The following RALGPS2 variants were observed in gnomAD, a reference collection of about 807,000 sequenced individuals.
RALGPS2 encodes ras-specific guanine nucleotide-releasing factor RalGPS2.
In RALGPS2, 43 loss-of-function variants were observed where a neutral mutation model predicts 86.8. That is an observed-to-expected ratio of 0.50 (90% CI 0.39 to 0.64). The LOEUF is 0.64. Among genes scored for constraint, RALGPS2 ranks in the 30% least tolerant of loss-of-function variants. The pLI is 0.00. For synonymous variants in RALGPS2, 243 were observed against 231.3 expected, an observed-to-expected ratio of 1.05 and a Z score of -0.46; for missense variants, 536 against 694.6, an observed-to-expected ratio of 0.77 and a Z score of 2.57.
rs144366166 is a variant in RALGPS2, at chr1:178,865,136, G to A, written c.608-12362G>A. 3.1e-6 allele frequency: 5 copies of A among 1,595,176 alleles called. No homozygotes were observed. The South Asian group carries it at 3.4e-5, about 11-fold the overall frequency. On this transcript the variant is annotated intron_variant, in intron 8 of 19. Transcript: ENST00000367635. ...ATGTTGTGGCACCACCTGGACAAGTGGGGGAGACACATGGGTGTCTTGTCG... is the reference window on the plus strand; with the variant it reads ...ATGTTGTGGCACCACCTGGACAAGTAGGGGAGACACATGGGTGTCTTGTCG...
At chr1:178,871,716 C>T (rs1156723890) in intron 8 of RALGPS2, among the ~76,000 whole-genome samples, 1 of 152,108 alleles carries the variant, frequency 6.6e-6, no homozygotes, top group African/African-American at 2.4e-5. Context: ...TCCTCCTATT[C>T]TACAAAATGA....
At chr1:178,747,024 T>G in intron 1 of RALGPS2, 1 of 903,596 alleles carries the variant, frequency 1.1e-6, no homozygotes. Context: ...ATTTTGCTCC[T>G]TCTGTTATAG....
At chr1:178,810,899 CAT>C (rs1654945464) in intron 5 of RALGPS2, among the ~76,000 whole-genome samples, 1 of 151,848 alleles carries the variant, frequency 6.6e-6, no homozygotes, top group Admixed American at 6.6e-5. Flanking sequence ...CATATTGTAT[CAT>C]ATAATAAGCA....
chr1:178,743,798 A>G (rs1651161233), intron 1 of RALGPS2, among the ~76,000 whole-genome samples: 1 of 152,214 alleles, frequency 6.6e-6, no homozygotes, highest in East Asian at 1.9e-4. Flanking sequence ...TCACTCAAGA[A>G]GAATATACAA....
intron 1 of RALGPS2, among the ~76,000 whole-genome samples, chr1:178,726,669 A>T (rs1298231170): frequency 6.6e-6 from 1 of 151,962 alleles, no homozygotes; most frequent in Admixed American, 6.5e-5. Flanking sequence ...TTTCCCCAAC[A>T]CTTTAGTTGC....
At chr1:178,835,350 C>T (rs938941158) in intron 8 of RALGPS2, among the ~76,000 whole-genome samples, 4 of 151,450 alleles carry the variant, frequency 2.6e-5, no homozygotes, top group African/African-American at 9.7e-5. Flanking sequence ...ATCATGTTCT[C>T]CTTAAGGCTG....
rs1251617282 is a variant in RALGPS2, at chr1:178,902,219, G to GTT, written c.1630+9_1630+10dup. 3.8e-6 allele frequency: 6 copies of GTT among 1,599,436 alleles called. No individual in the cohort carries two copies. The highest frequency in any genetic ancestry group is 5.1e-6 in the Non-Finnish European group (6 of 1,167,222). On this transcript the variant is annotated intron_variant, in intron 18 of 19. Transcript: ENST00000367635. Reference sequence around the variant, plus strand: ...TGACTGACTCTGAGAAAGGTGAATTGTTAGAATAACTGGGGCTTACGATAC... The same window carrying GTT: ...TGACTGACTCTGAGAAAGGTGAATTGTTTTAGAATAACTGGGGCTTACGATAC...
chr1:178,788,782 TTTCTC>T (rs1222810683), intron 4 of RALGPS2, among the ~76,000 whole-genome samples: 5 of 152,166 alleles, frequency 3.3e-5, no homozygotes, highest in South Asian at 4.1e-4. Flanking sequence ...CGCTCTTTTT[TTTCTC>T]TTCTCTTCTT....
At chr1:178,833,318 T>C (rs1656118372) in intron 7 of RALGPS2, 106 bp from the exon 8 acceptor site, 11 of 1,083,232 alleles carry the variant, frequency 1.0e-5, no homozygotes, top group Non-Finnish European at 1.3e-5. Context: ...AAGATATAAC[T>C]TTGAAATTAA....
chr1:178,787,918 G>A (rs1026145936), intron 4 of RALGPS2, among the ~76,000 whole-genome samples: 1 of 152,062 alleles, frequency 6.6e-6, no homozygotes, highest in East Asian at 1.9e-4. Context: ...ACATCTGTTG[G>A]ATCTGTTCAT....
rs762689640 is a variant in RALGPS2 at position 178,865,037 on chromosome 1, C to G, written c.608-12461C>G. On this transcript the variant is annotated intron_variant, in intron 8 of 19. Coordinates refer to ENST00000367635, the MANE Select transcript of RALGPS2 (RefSeq NM_152663.5). ...CAGATCAGGTGGTGGCATTAAATCT[C>G]TGGGATAACCTGGATCCCTCTGAAT... 15 of 1,491,892 alleles carry G rather than the reference C, an allele frequency of 1.0e-5. No individual in the cohort carries two copies. In the East Asian group the frequency reaches 3.3e-4, roughly 32 times the overall value. 92.4% of individuals were successfully genotyped at this position (1,491,892 alleles called of 1,614,324 possible). A position where few individuals can be genotyped will look rare whatever the true frequency, so the allele number is the denominator to read the frequency against.
intron 4 of RALGPS2, among the ~76,000 whole-genome samples, chr1:178,803,511 GAAC>G (rs1654581602): frequency 6.6e-6 from 1 of 152,120 alleles, no homozygotes; most frequent in Non-Finnish European, 1.5e-5. Flanking sequence ...ATTTTGGAAA[GAAC>G]AAAAATGTTT....
intron 8 of RALGPS2, 54 bp from the exon 9 acceptor site, chr1:178,877,444 A>G (rs1256699688): frequency 6.2e-6 from 10 of 1,601,240 alleles, no homozygotes; most frequent in Non-Finnish European, 8.5e-6. Flanking sequence ...TTTCTTTGTC[A>G]TAGTCTCCCA....
intron 10 of RALGPS2, among the ~76,000 whole-genome samples, chr1:178,882,239 G>A (rs1325839260): frequency 6.6e-6 from 1 of 152,050 alleles, no homozygotes; most frequent in Non-Finnish European, 1.5e-5. Flanking sequence ...TTCTATTTTG[G>A]TGCCATTGGG....
chr1:178,832,456 A>G (rs979710643), intron 7 of RALGPS2, among the ~76,000 whole-genome samples: 5 of 152,136 alleles, frequency 3.3e-5, no homozygotes, highest in African/African-American at 1.2e-4. Context: ...AAGGACATAC[A>G]TCTTTGTGAG....
chr1:178,910,258 G>C (rs762889619), intron 19 of RALGPS2, among the ~76,000 whole-genome samples: 1 of 151,952 alleles, frequency 6.6e-6, no homozygotes, highest in Admixed American at 6.6e-5. Context: ...TTTCTTTCTC[G>C]TGTCTGATTG....
At chr1:178,725,998 C>T (rs1019473157) in intron 1 of RALGPS2, 2 of 152,216 alleles carry the variant, frequency 1.3e-5, no homozygotes, top group East Asian at 1.9e-4. Flanking sequence ...CCAGCCCCGG[C>T]CCCGGAGGGG....
chr1:178,782,153 C>T (rs1023262185), intron 2 of RALGPS2, among the ~76,000 whole-genome samples: 13 of 152,260 alleles, frequency 8.5e-5, no homozygotes, highest in African/African-American at 2.6e-4. Context: ...TCACAGCTTA[C>T]GGGAGCAGAA....
intron 6 of RALGPS2, among the ~76,000 whole-genome samples, chr1:178,812,928 C>CTTTTTTTTTTTT (rs397844555): frequency 9.4e-6 from 1 of 106,852 alleles, no homozygotes; most frequent in African/African-American, 3.7e-5. Flanking sequence ...TAGGTAAATA[C>CTTTTTTTTTTTT]TTTTTTTTTT....
Sources: allele counts gnomAD v4.1 joint callset (sites outside exome capture counted in the v4.1 genomes callset), GRCh38; gene constraint gnomAD v4.1.1; transcripts MANE v1.5; gene names NCBI Gene and HGNC (gene_info 2026-07-23, HGNC 2026-07-21).